TDRD6: variants seen among roughly 807,000 people sequenced by gnomAD.
The protein encoded by TDRD6 is tudor domain containing 6.
A neutral mutation model predicts 157.5 loss-of-function variants in TDRD6; 186 were observed. That is an observed-to-expected ratio of 1.18 (90% confidence interval 1.05 to 1.33). TDRD6 has a LOEUF of 1.33. TDRD6 is among the 40% of genes most tolerant of loss of function. TDRD6 has a pLI of 0.00. For missense variants in TDRD6, 3,066 were observed against 2,508.0 expected (o/e 1.22, Z -4.75); for synonymous variants, 1,075 against 945.2 (o/e 1.14, Z -2.52).
intron 1 of TDRD6, among the ~76,000 whole-genome samples, chr6:46,695,576 A>C (rs1170638891): frequency 6.6e-6 from 1 of 152,162 alleles, no homozygotes; most frequent in African/African-American, 2.4e-5. Flanking sequence ...TTAGAAATCA[A>C]ATTCACATCC....
At position 46,698,068 on chromosome 6, in the gene TDRD6, T is replaced by C. The variant is rs1255538678; in HGVS notation, c.6242T>C (p.Leu2081Ser). 1 of 1,608,010 alleles carries C rather than the reference T, an allele frequency of 6.2e-7. No homozygotes were observed. The highest frequency in any genetic ancestry group is 8.5e-7 in the Non-Finnish European group (1 of 1,175,584). ...PENVWNGIPK[L>S]DKSPPEKRGL... Reference sequence around the variant, plus strand: ...AATGTCTGGAATGGCATACCCAAATTGGATAAGAGTCCACCTGAGGTATGG... The same window carrying C: ...AATGTCTGGAATGGCATACCCAAATCGGATAAGAGTCCACCTGAGGTATGG... Residue 2081 changes from leucine to serine, a missense_variant, in exon 3 of 4, where the codon TTG becomes TCG. By Grantham distance (145) the Leu-to-Ser change is moderately radical. Coordinates refer to ENST00000316081, the MANE Select transcript of TDRD6 (RefSeq NM_001010870.3).
chr6:46,701,706 T>C, intron 3 of TDRD6, 152 bp from the exon 4 acceptor site: 1 of 572,624 alleles, frequency 1.7e-6, no homozygotes. Flanking sequence ...ACATTGTTTC[T>C]ATAGAAATAA....
At position 46,688,961 on chromosome 6, in the gene TDRD6, G is replaced by C; in HGVS notation, c.833G>C (p.Arg278Pro). The C allele has an allele frequency of 1.2e-6, 2 of 1,613,112 alleles. No individual in the cohort carries two copies. Among genetic ancestry groups the C allele is most frequent in the Non-Finnish European group, 1.7e-6 (2 of 1,179,358 alleles). The change falls in exon 1 of 4, where the codon CGC becomes CCC. Residue 278 changes from arginine to proline, a missense_variant. By Grantham distance (103) the Arg-to-Pro change is moderately radical (BLOSUM62 -2). Transcript: ENST00000316081. ...CGCAGCGTCTCGCAGGAGATCCACCGCCTCTCCGAGAGCATGGCCCAGGTA... is the reference window on the plus strand; with the variant it reads ...CGCAGCGTCTCGCAGGAGATCCACCCCCTCTCCGAGAGCATGGCCCAGGTA... ...QLRSVSQEIH[R>P]LSESMAQVYR...
At chr6:46,694,200 CTTTT>C (rs55724083) in intron 1 of TDRD6, 26 bp downstream of exon 1, 16,176 of 1,007,234 alleles carry the variant, frequency 0.016, no homozygotes, top group South Asian at 0.028. Flanking sequence ...TTCCTTTTTA[CTTTT>C]TTTTTTTTTT....
Position 46,688,383 on chromosome 6 carries a change from C to G in TDRD6, c.255C>G (p.Arg85=). Residue 85 remains arginine, a synonymous_variant, in exon 1 of 4, where the codon CGC becomes CGG. Coordinates refer to ENST00000316081, the MANE Select transcript of TDRD6 (RefSeq NM_001010870.3). ...TCGGGCTTTTGTGGCACCGCTGCCG[C>G]GTGGTCAGCCGGCAGGCACAGGAGA... ...VQVGLLWHRC[R]VVSRQAQESR... 1.3e-6 allele frequency: 2 copies of G among 1,535,620 alleles called. No homozygotes were observed. The highest frequency in any genetic ancestry group is 1.7e-6 in the Non-Finnish European group (2 of 1,144,950).
In TDRD6 at chr6:46,691,587, TAAG is replaced by T. The variant is rs771674899; in HGVS notation, c.3463_3465del (p.Lys1155del). 1.2e-5 allele frequency: 20 copies of T among 1,613,498 alleles called. No individual in the cohort carries two copies. Among genetic ancestry groups the T allele is most frequent in the Middle Eastern group, 1.7e-4 (1 of 6,060 alleles). On this transcript the variant is annotated inframe_deletion, in exon 1 of 4. Coordinates refer to ENST00000316081, the MANE Select transcript of TDRD6 (RefSeq NM_001010870.3). ...ATATTCAAATTAGTGCTAGTATTAA[TAAG>T]AAGTTGGGGCTACTTAGTTACAAAG...
At chr6:46,686,475 G>T (rs1310279951), upstream of TDRD6, among the ~76,000 whole-genome samples, 1 of 109,830 alleles carries the variant, frequency 9.1e-6, no homozygotes, top group African/African-American at 3.5e-5. Flanking sequence ...ATAGAAGTAT[G>T]TAAAAAAAAA....
intron 1 of TDRD6, among the ~76,000 whole-genome samples, chr6:46,694,503 A>G (rs1413384372): frequency 6.6e-6 from 1 of 152,152 alleles, no homozygotes; most frequent in Non-Finnish European, 1.5e-5. Flanking sequence ...GTGACTTTCC[A>G]GAGTTGTTAT....
chr6:46,690,953 C>A lies in TDRD6; in HGVS notation c.2825C>A (p.Thr942Asn). 5 of 1,614,124 alleles carry A rather than the reference C, an allele frequency of 3.1e-6. No individual in the cohort carries two copies. Among genetic ancestry groups the A allele is most frequent in the Non-Finnish European group, 1.7e-6 (2 of 1,179,984 alleles). ...CTGTTTAACATTGTGGATTTGCTAA[C>A]CCCCTTTCAGAGTGCATGCCATTTC... ...EELFNIVDLL[T>N]PFQSACHFLV... Residue 942 changes from threonine (T) to asparagine (N), a missense_variant, in exon 1 of 4, where the codon ACC (threonine) becomes AAC (asparagine). Transcript: ENST00000316081.
In TDRD6 at chr6:46,693,640, C is replaced by A. The variant is rs776852659; in HGVS notation, c.5512C>A (p.Pro1838Thr). The change falls in exon 1 of 4, where the codon CCG becomes ACG. Residue 1838 changes from proline (P) to threonine (T), a missense_variant. Transcript: ENST00000316081. ...ACTAGAACTGAATTCACTTGAGGTGCCGCTTTCTCCTGATGATGAATCAAA... is the reference window on the plus strand; with the variant it reads ...ACTAGAACTGAATTCACTTGAGGTGACGCTTTCTCCTGATGATGAATCAAA... Reference protein sequence around the residue: ...EILELNSLEVPLSPDDESKEF... With the variant: ...EILELNSLEVTLSPDDESKEF... 1 of 1,614,136 alleles carries A rather than the reference C, an allele frequency of 6.2e-7. No individual in the cohort carries two copies.
In TDRD6 at chr6:46,690,506, G is replaced by C; in HGVS notation, c.2378G>C (p.Arg793Thr). 1 of 1,614,116 alleles carries C rather than the reference G, an allele frequency of 6.2e-7. No individual in the cohort carries two copies. Among genetic ancestry groups the C allele is most frequent in the Admixed American group, 1.7e-5 (1 of 60,026 alleles). Residue 793 changes from arginine to threonine, a missense_variant, in exon 1 of 4, where the codon AGG (arginine) becomes ACG (threonine). Coordinates refer to ENST00000316081, the MANE Select transcript of TDRD6 (RefSeq NM_001010870.3). ...GGCTATTTCTGGTGTCAGCTGACCA[G>C]GAACATACAAGGACTTAAAACTCTA... ...NPGYFWCQLT[R>T]NIQGLKTLMS...
In TDRD6 at chr6:46,688,022, T is replaced by G. The variant is rs1026182782; in HGVS notation, c.-107T>G. On this transcript the variant is annotated 5_prime_UTR_variant, in exon 1 of 4. Coordinates refer to ENST00000316081, the MANE Select transcript of TDRD6 (RefSeq NM_001010870.3). The stretch of plus-strand genomic sequence containing the variant: ...GCATTCTTCCCCTCCACTGGGTCCT[T>G]TGAACCTAGTTTGGCTGGGACTCGC... The G allele has an allele frequency of 7.3e-7, 1 of 1,376,590 alleles. No homozygotes were observed. The highest frequency in any genetic ancestry group is 1.5e-5 in the African/African-American group (1 of 64,892). 85.3% of individuals were successfully genotyped at this position (1,376,590 alleles called of 1,614,324 possible). A position where few individuals can be genotyped will look rare whatever the true frequency, so the allele number is the denominator to read the frequency against.
chr6:46,700,182 G>A (rs1415470883), intron 3 of TDRD6, among the ~76,000 whole-genome samples: 5 of 152,102 alleles, frequency 3.3e-5, no homozygotes, highest in Non-Finnish European at 7.4e-5. Context: ...CTCTATGCCT[G>A]CTACATAGAA....
In TDRD6 at chr6:46,688,777, A is replaced by C. The variant is rs757824400; in HGVS notation, c.649A>C (p.Thr217Pro). 2 of 1,608,160 alleles carry C rather than the reference A, an allele frequency of 1.2e-6. No homozygotes were observed. Among genetic ancestry groups the C allele is most frequent in the Non-Finnish European group, 1.7e-6 (2 of 1,179,892 alleles). The change falls in exon 1 of 4, where the codon ACT becomes CCT. Residue 217 changes from threonine (T) to proline (P), a missense_variant. Coordinates refer to ENST00000316081, the MANE Select transcript of TDRD6 (RefSeq NM_001010870.3). Reference sequence around the variant, plus strand: ...GCTGGAGCGCTATCTCACAGCGGCCACTGCTAGCGTGGGCTCCGGGGTCCC... The same window carrying C: ...GCTGGAGCGCTATCTCACAGCGGCCCCTGCTAGCGTGGGCTCCGGGGTCCC... ...SLLERYLTAA[T>P]ASVGSGVPVL...
At chr6:46,699,334 G>C (rs1764568681) in intron 3 of TDRD6, among the ~76,000 whole-genome samples, 1 of 152,158 alleles carries the variant, frequency 6.6e-6, no homozygotes, top group African/African-American at 2.4e-5. Context: ...CTATTCTTCA[G>C]ATGACAGAAA....
At position 46,691,252 on chromosome 6, in the gene TDRD6, G is replaced by A. The variant is rs377004832; in HGVS notation, c.3124G>A (p.Ala1042Thr). ...SPLNPGTLCLAKYTDGNWYRG... is the reference protein window; with the variant it reads ...SPLNPGTLCLTKYTDGNWYRG... The stretch of plus-strand genomic sequence containing the variant: ...CTTGAACCCTGGAACCTTGTGCCTT[G>A]CCAAGTATACTGATGGAAACTGGTA... The change falls in exon 1 of 4, where the codon GCC becomes ACC. Residue 1042 changes from alanine to threonine, a missense_variant. By Grantham distance (58) the Ala-to-Thr change is moderately conservative (BLOSUM62 0). Coordinates refer to ENST00000316081, the MANE Select transcript of TDRD6 (RefSeq NM_001010870.3). The A allele has an allele frequency of 6.2e-7, 1 of 1,614,048 alleles. No homozygotes were observed. Among genetic ancestry groups the A allele is most frequent in the African/African-American group, 1.3e-5 (1 of 75,046 alleles).
chr6:46,682,511 A>C, the TDRD6 span, among the ~76,000 whole-genome samples: 1 of 151,924 alleles, frequency 6.6e-6, no homozygotes, highest in Admixed American at 6.5e-5. Flanking sequence ...AAGGAAATAA[A>C]AGGCACATAT....
At chr6:46,687,424 A>G (rs1299870271), upstream of TDRD6, among the ~76,000 whole-genome samples, 1 of 152,198 alleles carries the variant, frequency 6.6e-6, no homozygotes, top group East Asian at 1.9e-4. Flanking sequence ...ATGATGGAAC[A>G]GGGTTAAAGA....
At chr6:46,683,490 G>T (rs764083561), upstream of TDRD6, among the ~76,000 whole-genome samples, 4 of 151,786 alleles carry the variant, frequency 2.6e-5, no homozygotes, top group Non-Finnish European at 5.9e-5. Flanking sequence ...TGAATAATTT[G>T]ATTTCATCAA....
Sources: allele counts gnomAD v4.1 joint callset (sites outside exome capture counted in the v4.1 genomes callset), GRCh38; gene constraint gnomAD v4.1.1; transcripts MANE v1.5; gene names NCBI Gene and HGNC (gene_info 2026-07-23, HGNC 2026-07-21).